Variants in IAH1 observed in about 807,000 individuals in gnomAD.
IAH1 encodes the protein isoamyl acetate-hydrolyzing esterase 1 homolog.
Under a neutral mutation model 26.7 loss-of-function variants are expected in IAH1, and 24 were observed. The ratio of observed to expected loss-of-function variants is 0.90; its 90% CI spans 0.65 to 1.26. The LOEUF is 1.26. IAH1 is among the 50% of genes most tolerant of loss of function. The pLI, the probability that IAH1 is intolerant of heterozygous loss-of-function variation, is 0.00. For missense variants in IAH1, 300 were observed against 299.9 expected (o/e 1.00, Z 0.00); for synonymous variants, 140 against 118.5 (o/e 1.18, Z -1.18).
downstream of IAH1, chr2:9,497,245 T>C (rs1255970694): frequency 6.2e-7 from 1 of 1,614,096 alleles, no homozygotes; most frequent in Non-Finnish European, 8.5e-7. Flanking sequence ...CTCACTGCTA[T>C]TACCTGGAAG....
At chr2:9,489,815 A>AT (rs1661959418), downstream of IAH1, 1 of 48,084 alleles carries the variant, frequency 2.1e-5, no homozygotes, top group South Asian at 4.8e-4. Flanking sequence ...TACAGTGTAT[A>AT]AAAAAAAACT....
Position 9,488,302 on chromosome 2 carries a change from A to G in IAH1, c.720A>G (p.Leu240=). ...ATGTAGCAGAAGCAAAACCTGAATT[A>G]AGTCTGCTGGGAGATGGAGACCATT... ...WRDVAEAKPE[L]SLLGDGDH is the part of the protein sequence containing the mutation. Residue 240 remains leucine (L), a synonymous_variant, in exon 6 of 6, where the codon TTA becomes TTG. Coordinates refer to ENST00000497473, the MANE Select transcript of IAH1 (RefSeq NM_001039613.3). 6.2e-7 allele frequency: 1 copy of G among 1,610,440 alleles called. No homozygotes were observed. Among genetic ancestry groups the G allele is most frequent in the Non-Finnish European group, 8.5e-7 (1 of 1,178,868 alleles).
At chr2:9,499,471 G>A (rs191649183), downstream of IAH1, among the ~76,000 whole-genome samples, 46 of 151,824 alleles carry the variant, frequency 3.0e-4, no homozygotes, top group East Asian at 8.3e-3. Flanking sequence ...GCGTGATCTC[G>A]GCTCACTGCA....
At chr2:9,511,167 G>C in the IAH1 span, among the ~76,000 whole-genome samples, 6 of 152,204 alleles carry the variant, frequency 3.9e-5, no homozygotes, top group South Asian at 6.2e-4. Context: ...AAAACAGTAC[G>C]GATAGGCGCA....
the IAH1 span, among the ~76,000 whole-genome samples, chr2:9,509,477 G>A: frequency 3.9e-5 from 6 of 152,100 alleles, no homozygotes; most frequent in Non-Finnish European, 5.9e-5. Context: ...CTCCTACTAG[G>A]CACTGGAGAT....
chr2:9,475,670 T>G, intron 1 of IAH1: 1 of 358,868 alleles, frequency 2.8e-6, no homozygotes, highest in Non-Finnish European at 5.2e-6. Flanking sequence ...CGGGCTAATT[T>G]TTGTAATTTT....
rs1481769060 is a variant in IAH1, at chr2:9,481,299, G to A, written c.297G>A (p.Lys99=). Residue 99 remains lysine (K), a synonymous_variant, in exon 4 of 6, where the codon AAG becomes AAA. Transcript: ENST00000497473. ...NDSALKDENP[K]QHIPLEEYAA... is the part of the protein sequence containing the mutation. ...TCTCTTGAGCAGATGAGAATCCCAA[G>A]CAGCACATTCCCCTGGAGGAGTACG... The A allele has an allele frequency of 1.9e-6, 3 of 1,614,186 alleles. No homozygotes were observed. The South Asian group carries it at 3.3e-5, about 18-fold the overall frequency.
the IAH1 span, among the ~76,000 whole-genome samples, chr2:9,508,520 A>G: frequency 6.6e-6 from 1 of 152,266 alleles, no homozygotes; most frequent in South Asian, 2.1e-4. Flanking sequence ...AACCATTGCT[A>G]TAAGTCAATT....
intron 5 of IAH1, chr2:9,486,905 C>T (rs1005384634): frequency 4.6e-5 from 7 of 151,628 alleles, no homozygotes; most frequent in African/African-American, 1.7e-4. Context: ...TGAGATTCTT[C>T]CCCAAGAAAG....
chr2:9,476,681 C>T (rs1012860948), intron 2 of IAH1, among the ~76,000 whole-genome samples: 3 of 152,094 alleles, frequency 2.0e-5, no homozygotes, highest in African/African-American at 7.2e-5. Context: ...AAGGGGGTCA[C>T]AAGGTGCTCT....
At chr2:9,477,555 G>A (rs915523859) in intron 2 of IAH1, among the ~76,000 whole-genome samples, 2 of 151,924 alleles carry the variant, frequency 1.3e-5, no homozygotes, top group Admixed American at 6.6e-5. Flanking sequence ...TGCCTGATGC[G>A]AATCCTTAAC....
the IAH1 span, among the ~76,000 whole-genome samples, chr2:9,504,302 A>T: frequency 6.6e-6 from 1 of 151,598 alleles, no homozygotes; most frequent in Non-Finnish European, 1.5e-5. Flanking sequence ...AAAATCAGCC[A>T]GGCGTGATGG....
chr2:9,496,552 A>G (rs779808106), downstream of IAH1: 2 of 152,860 alleles, frequency 1.3e-5, no homozygotes, highest in Non-Finnish European at 2.9e-5. Context: ...CAGGGGTTCC[A>G]AAATAGCACA....
At chr2:9,511,327 G>A in the IAH1 span, among the ~76,000 whole-genome samples, 1 of 152,132 alleles carries the variant, frequency 6.6e-6, no homozygotes, top group Admixed American at 6.5e-5. Context: ...GCGCACGCCT[G>A]TAATCCCGGC....
At chr2:9,509,561 G>A in the IAH1 span, among the ~76,000 whole-genome samples, 2 of 152,176 alleles carry the variant, frequency 1.3e-5, no homozygotes, top group Non-Finnish European at 2.9e-5. Flanking sequence ...CTTGTAGTCA[G>A]GCAAACTATG....
chr2:9,500,014 T>G (rs1454021468), downstream of IAH1, among the ~76,000 whole-genome samples: 1 of 152,178 alleles, frequency 6.6e-6, no homozygotes, highest in Non-Finnish European at 1.5e-5. Context: ...CCTCAAAAGA[T>G]TAAGCATAGT....
Position 9,488,025 on chromosome 2 carries a change from T to G in IAH1, c.565-122T>G. On this transcript the variant is annotated intron_variant, in intron 5 of 5. Coordinates refer to ENST00000497473, the MANE Select transcript of IAH1 (RefSeq NM_001039613.3). Reference sequence around the variant, plus strand: ...ATTTTTGTATTTTTAAAATTTTTTGTAGAGACAGGGTCTCAAACTCCTGTC... The same window carrying G: ...ATTTTTGTATTTTTAAAATTTTTTGGAGAGACAGGGTCTCAAACTCCTGTC... 4 of 645,942 alleles carry G rather than the reference T, an allele frequency of 6.2e-6. No individual in the cohort carries two copies. The South Asian group carries it at 1.0e-4, about 17-fold the overall frequency. 40.0% of individuals were successfully genotyped at this position (645,942 alleles called of 1,614,324 possible). A position where few individuals can be genotyped will look rare whatever the true frequency, so the allele number is the denominator to read the frequency against.
chr2:9,494,924 T>A, intron 6 of IAH1: 1 of 871,444 alleles, frequency 1.1e-6, no homozygotes, highest in Non-Finnish European at 1.7e-6. Context: ...CACCAAGGAG[T>A]AGTTTCTGAG....
At chr2:9,510,447 C>T in the IAH1 span, among the ~76,000 whole-genome samples, 3 of 151,914 alleles carry the variant, frequency 2.0e-5, no homozygotes, top group East Asian at 1.9e-4. Context: ...AGGTGGATCA[C>T]GAGGTCAGGA....
Sources: allele counts gnomAD v4.1 joint callset (sites outside exome capture counted in the v4.1 genomes callset), GRCh38; gene constraint gnomAD v4.1.1; transcripts MANE v1.5; gene names NCBI Gene and HGNC (gene_info 2026-07-23, HGNC 2026-07-21).